PCDHA6: variants seen among roughly 807,000 people sequenced by gnomAD.
PCDHA6 encodes the protein protocadherin alpha 6, also known as protocadherin alpha-6.
In PCDHA6, 55 loss-of-function variants were observed where a neutral mutation model predicts 60.3. The observed-to-expected ratio is 0.91, with a 90% CI of 0.73 to 1.14. The LOEUF (loss-of-function observed/expected upper bound fraction) is 1.14. Ranked by LOEUF, PCDHA6 falls within the 50% of genes most tolerant of loss-of-function variation. The probability of loss-of-function intolerance (pLI) is 0.00; values close to 1 mark genes in which losing one functional copy is unlikely to be tolerated. For synonymous variants in PCDHA6, 652 were observed against 557.9 expected (o/e 1.17, Z -2.38); for missense variants, 1,327 against 1,256.5 (o/e 1.06, Z -0.85).
At chr5:140,927,652 C>T (rs868980158) in intron 1 of PCDHA6, 28 of 1,614,054 alleles carry the variant, frequency 1.7e-5, no homozygotes, top group African/African-American at 9.3e-5. Flanking sequence ...TGTGTTATTC[C>T]GAGTTCAAGC....
At chr5:140,837,655 T>C (rs1323533582) in intron 1 of PCDHA6, among the ~76,000 whole-genome samples, 3 of 151,204 alleles carry the variant, frequency 2.0e-5, no homozygotes, top group Non-Finnish European at 4.4e-5. Context: ...CTTTCTTCCT[T>C]TTTCTTTCAT....
intron 1 of PCDHA6, among the ~76,000 whole-genome samples, chr5:140,965,427 G>A (rs1336088571): frequency 6.6e-6 from 1 of 152,104 alleles, no homozygotes; most frequent in Non-Finnish European, 1.5e-5. Flanking sequence ...AAGATAAGCT[G>A]CAGTCATTGA....
Position 140,829,819 on chromosome 5 carries a change from A to G in PCDHA6, c.1728A>G (p.Ala576=). 1 of 1,613,876 alleles carries G rather than the reference A, an allele frequency of 6.2e-7. No homozygotes were observed. ...LAPRVGGTGG[A]VSELVPRSLG... is the part of the protein sequence containing the mutation. ...CTCGGGTGGGTGGTACTGGTGGTGC[A>G]GTGAGCGAGCTGGTGCCGCGGTCAC... The change falls in exon 1 of 4, where the codon GCA becomes GCG. Residue 576 remains alanine, a synonymous_variant. Coordinates refer to ENST00000529310, the MANE Select transcript of PCDHA6 (RefSeq NM_018909.4).
At chr5:140,875,181 TAA>T (rs1554167538) in intron 1 of PCDHA6, 2 of 448,484 alleles carry the variant, frequency 4.5e-6, no homozygotes, top group East Asian at 4.2e-5. Flanking sequence ...ACATTAGAAT[TAA>T]GAGTGACCCA....
In PCDHA6 at chr5:140,849,585, C is replaced by A. The variant is rs147876741; in HGVS notation, c.2394+19100C>A. 8 of 1,598,624 alleles carry A rather than the reference C, an allele frequency of 5.0e-6. No homozygotes were observed. Among genetic ancestry groups the A allele is most frequent in the Admixed American group, 3.4e-5 (2 of 59,262 alleles). ...CTCGGTTCCTGTAAAAGAGGACGCA[C>A]AACTGGGGACAGTTATTGCCCTGAT... is the stretch of plus-strand genomic sequence containing the variant. On this transcript the variant is annotated intron_variant, in intron 1 of 3. Transcript: ENST00000529310.
chr5:140,850,744 ACTCG>A lies in PCDHA6; in HGVS notation c.2394+20261_2394+20264del, dbSNP rs2041800778. ...TCTAGCGCGGTGGGGAGTTGGTCGT[ACTCG>A]CAGCAGAGGAGGCAGAGGGTGTGCT... On this transcript the variant is annotated intron_variant, in intron 1 of 3. Coordinates refer to ENST00000529310, the MANE Select transcript of PCDHA6 (RefSeq NM_018909.4). 1.3e-6 allele frequency: 2 copies of A among 1,597,470 alleles called. 1 individual carries two copies. The highest frequency in any genetic ancestry group is 2.7e-5 in the African/African-American group (2 of 74,012).
intron 1 of PCDHA6, among the ~76,000 whole-genome samples, chr5:140,838,114 GT>G (rs1730609309): frequency 6.7e-6 from 1 of 149,566 alleles, no homozygotes; most frequent in Non-Finnish European, 1.5e-5. Context: ...GTGTGTGTGT[GT>G]GTGTGTGTGT....
intron 1 of PCDHA6, chr5:140,967,393 G>A (rs1437861925): frequency 1.2e-6 from 2 of 1,609,910 alleles, no homozygotes; most frequent in African/African-American, 2.7e-5. Flanking sequence ...TGCTTGAGCT[G>A]GTGCTGCGTA....
chr5:140,870,589 C>A (rs1445004841), intron 1 of PCDHA6: 30 of 1,613,510 alleles, frequency 1.9e-5, no homozygotes, highest in Non-Finnish European at 2.5e-5. Context: ...GCTGGTGGAG[C>A]GGCGGTTGGG....
intron 1 of PCDHA6, chr5:140,857,647 G>T: frequency 6.3e-7 from 1 of 1,596,858 alleles, no homozygotes; most frequent in Non-Finnish European, 8.6e-7. Flanking sequence ...TACAGTTCCA[G>T]GTGAGCGCGC....
chr5:140,927,245 A>G (rs1197319664), intron 1 of PCDHA6: 6 of 1,613,948 alleles, frequency 3.7e-6, no homozygotes, highest in South Asian at 2.2e-5. Flanking sequence ...CTGGACACCA[A>G]TGACAACTCA....
intron 1 of PCDHA6, chr5:140,870,813 C>T (rs568167153): frequency 1.2e-6 from 2 of 1,613,702 alleles, no homozygotes; most frequent in South Asian, 1.1e-5. Flanking sequence ...CTCAGGCTGG[C>T]AGCGCGGGAG....
intron 1 of PCDHA6, among the ~76,000 whole-genome samples, chr5:140,974,152 G>A (rs183558718): frequency 4.2e-4 from 64 of 152,284 alleles, no homozygotes; most frequent in Admixed American, 2.4e-3. Flanking sequence ...CTATACAAGG[G>A]TTTTTCTTTC....
intron 1 of PCDHA6, among the ~76,000 whole-genome samples, chr5:140,839,682 A>AT (rs1213854043): frequency 2.0e-5 from 3 of 152,030 alleles, no homozygotes; most frequent in Non-Finnish European, 4.4e-5. Flanking sequence ...AACTACAGAG[A>AT]TTTTTTTGGG....
intron 1 of PCDHA6, among the ~76,000 whole-genome samples, chr5:140,887,915 C>T (rs566586212): frequency 6.6e-6 from 1 of 152,290 alleles, no homozygotes; most frequent in Non-Finnish European, 1.5e-5. Flanking sequence ...GTGTATTCTT[C>T]ATTTCAGAGA....
At chr5:140,882,262 G>GTGTA (rs781901698) in intron 1 of PCDHA6, 2 of 1,605,126 alleles carry the variant, frequency 1.2e-6, no homozygotes, top group Non-Finnish European at 1.7e-6. Context: ...GGTTTTTGGA[G>GTGTA]TGTACCATGC....
At chr5:140,902,044 AT>A (rs1222362795) in intron 1 of PCDHA6, among the ~76,000 whole-genome samples, 1 of 152,016 alleles carries the variant, frequency 6.6e-6, no homozygotes, top group Admixed American at 6.6e-5. Flanking sequence ...TTGTATGTTG[AT>A]TTTGTATCCT....
intron 1 of PCDHA6, chr5:140,869,097 G>T (rs1344358126): frequency 1.3e-6 from 2 of 1,595,318 alleles, no homozygotes; most frequent in Non-Finnish European, 1.7e-6. Flanking sequence ...AGCCAATTTC[G>T]TATGCGATGT....
At chr5:140,883,792 G>C (rs1050179503) in intron 1 of PCDHA6, 7 of 1,612,560 alleles carry the variant, frequency 4.3e-6, no homozygotes, top group African/African-American at 1.3e-5. Flanking sequence ...CGAGCTACGT[G>C]TCGGTGCACG....
Sources: allele counts gnomAD v4.1 joint callset (sites outside exome capture counted in the v4.1 genomes callset), GRCh38; gene constraint gnomAD v4.1.1; transcripts MANE v1.5; gene names NCBI Gene and HGNC (gene_info 2026-07-23, HGNC 2026-07-21).